Variants in URI1 observed in about 807,000 individuals in gnomAD.
The protein encoded by URI1 is URI1 prefoldin like chaperone.
URI1 carries 39 observed loss-of-function variants against 60.2 expected under a neutral mutation model. The ratio of observed to expected loss-of-function variants is 0.65; its 90% CI spans 0.50 to 0.85. URI1 has a LOEUF of 0.85. Among genes scored for constraint, URI1 ranks in the 40% least tolerant of loss-of-function variants. The pLI, the probability that URI1 is intolerant of heterozygous loss-of-function variation, is 0.00. For synonymous variants in URI1, 251 were observed against 236.8 expected (o/e 1.06, Z -0.55); for missense variants, 691 against 665.9 (o/e 1.04, Z -0.42).
intron 4 of URI1, among the ~76,000 whole-genome samples, chr19:29,998,730 A>G (rs781116641): frequency 4.6e-5 from 7 of 152,116 alleles, no homozygotes; most frequent in African/African-American, 9.7e-5. Flanking sequence ...TAGACAGTAT[A>G]TAGTTGGATC....
chr19:29,956,176 G>GGTTT (rs368203095), intron 1 of URI1, among the ~76,000 whole-genome samples: 4,046 of 149,816 alleles, frequency 0.027, 185 homozygotes, highest in African/African-American at 0.094. Flanking sequence ...GTAGAGATGA[G>GGTTT]CGCCATGTTG....
chr19:29,972,097 G>C (rs1171606745), intron 2 of URI1, among the ~76,000 whole-genome samples: 1 of 152,040 alleles, frequency 6.6e-6, no homozygotes, highest in Non-Finnish European at 1.5e-5. Flanking sequence ...TATAGTTAGT[G>C]TATATCAAAT....
chr19:29,987,524 T>C (rs11668282), intron 4 of URI1, among the ~76,000 whole-genome samples: 30,401 of 152,180 alleles, frequency 0.2, 3,387 homozygotes, highest in Non-Finnish European at 0.24. Flanking sequence ...TTGTCATGTA[T>C]ATTAGCGAAA....
Position 30,005,431 on chromosome 19 carries a change from A to G in URI1, c.438A>G (p.Glu146=). The change falls in exon 5 of 11, where the codon GAA becomes GAG. Residue 146 remains glutamate (E), a synonymous_variant. Transcript: ENST00000392271. ...KNFESRVEFT[E]DLQKMSDAAG... is the part of the protein sequence containing the mutation. ...TTGAATCCAGAGTTGAATTCACAGAAGATTTGCAGAAAATGAGCGATGTGA... is the reference window on the plus strand; with the variant it reads ...TTGAATCCAGAGTTGAATTCACAGAGGATTTGCAGAAAATGAGCGATGTGA... The G allele has an allele frequency of 6.2e-7, 1 of 1,600,990 alleles. No homozygotes were observed.
chr19:29,952,860 C>T (rs139738330), intron 1 of URI1, among the ~76,000 whole-genome samples: 280 of 152,298 alleles, frequency 1.8e-3, no homozygotes, highest in Middle Eastern at 6.8e-3. Context: ...TAAGCAATAA[C>T]GCTGTCATTC....
At chr19:29,987,696 CTT>C (rs2055689597) in intron 4 of URI1, among the ~76,000 whole-genome samples, 3 of 152,028 alleles carry the variant, frequency 2.0e-5, no homozygotes, top group Admixed American at 2.0e-4. Flanking sequence ...TTAGTTATAA[CTT>C]AAAATATTAA....
chr19:29,943,145 A>G (rs1024559967), intron 1 of URI1, among the ~76,000 whole-genome samples: 7 of 151,900 alleles, frequency 4.6e-5, no homozygotes, highest in African/African-American at 2.4e-5. Flanking sequence ...GAGTCTCACT[A>G]TGTTGCCCAG....
intron 2 of URI1, among the ~76,000 whole-genome samples, chr19:29,979,477 CAT>C (rs1216164197): frequency 1.3e-5 from 2 of 152,110 alleles, no homozygotes; most frequent in African/African-American, 2.4e-5. Flanking sequence ...TCTTCAAACA[CAT>C]GTGTATGGTT....
intron 1 of URI1, among the ~76,000 whole-genome samples, chr19:29,951,800 G>A (rs553133341): frequency 6.6e-6 from 1 of 152,198 alleles, no homozygotes. Flanking sequence ...CACCTGCCTT[G>A]GCCTCCCAAA....
chr19:29,943,191 C>G (rs936110553), intron 1 of URI1, among the ~76,000 whole-genome samples: 1 of 152,066 alleles, frequency 6.6e-6, no homozygotes, highest in Admixed American at 6.6e-5. Flanking sequence ...GCGATCCTCC[C>G]CCTCCTACCC....
chr19:29,994,880 C>T (rs1389059457), intron 4 of URI1, among the ~76,000 whole-genome samples: 4 of 151,462 alleles, frequency 2.6e-5, no homozygotes, highest in Non-Finnish European at 5.9e-5. Context: ...CTCCCAGGTT[C>T]AAGAGCCTTC....
chr19:30,011,223 G>T lies in URI1; in HGVS notation c.1165G>T (p.Ala389Ser), dbSNP rs1338779708. Residue 389 changes from alanine to serine, a missense_variant, in exon 9 of 11, where the codon GCA becomes TCA. By Grantham distance (99) the Ala-to-Ser change is moderately conservative. Coordinates refer to ENST00000392271, the MANE Select transcript of URI1 (RefSeq NM_003796.3). ...GGAGCTGCCGACCATCAGGACGCCTGCAGACATTTACAGGTGGGAGGCGCT... is the reference window on the plus strand; with the variant it reads ...GGAGCTGCCGACCATCAGGACGCCTTCAGACATTTACAGGTGGGAGGCGCT... ...AQELPTIRTP[A>S]DIYRAFVDVV... The T allele has an allele frequency of 1.9e-6, 3 of 1,608,188 alleles. No individual in the cohort carries two copies. The highest frequency in any genetic ancestry group is 2.5e-6 in the Non-Finnish European group (3 of 1,178,380).
upstream of URI1, among the ~76,000 whole-genome samples, chr19:29,941,179 T>C (rs1055182574): frequency 1.3e-5 from 2 of 152,138 alleles, no homozygotes; most frequent in Non-Finnish European, 2.9e-5. Context: ...CCTAGACTTG[T>C]CTGTATGATG....
In URI1 at chr19:29,942,676, C is replaced by T. The variant is rs372525017; in HGVS notation, c.117+12C>T. 24 of 1,385,114 alleles carry T rather than the reference C, an allele frequency of 1.7e-5. 1 individual carries two copies. The African/African-American group carries it at 3.3e-4, about 19-fold the overall frequency. 85.8% of individuals were successfully genotyped at this position (1,385,114 alleles called of 1,614,324 possible). On this transcript the variant is annotated intron_variant, in intron 1 of 10. Transcript: ENST00000392271. ...AGGAGCAGGAAAAGGTAACTAGCAG[C>T]CCCGCGCCGCTTCCGCCTCCGCCCG...
At chr19:29,995,906 C>T (rs545508835) in intron 4 of URI1, among the ~76,000 whole-genome samples, 2 of 152,122 alleles carry the variant, frequency 1.3e-5, no homozygotes, top group South Asian at 4.1e-4. Flanking sequence ...TGTCAAAAAT[C>T]ATTTGGTCAT....
intron 1 of URI1, among the ~76,000 whole-genome samples, chr19:29,927,560 CTTTTTTTTTTTTT>C (rs3049080): frequency 7.5e-5 from 3 of 39,812 alleles, no homozygotes; most frequent in African/African-American, 1.3e-4. Flanking sequence ...CTGCACCCGG[CTTTTTTTTTTTTT>C]TTTTTTTTTT....
chr19:29,943,249 C>T (rs1378754382), intron 1 of URI1, among the ~76,000 whole-genome samples: 4 of 152,084 alleles, frequency 2.6e-5, no homozygotes, highest in Admixed American at 2.0e-4. Context: ...CCTGAGTCAC[C>T]GCACCCGGCT....
intron 2 of URI1, among the ~76,000 whole-genome samples, chr19:29,979,737 T>G (rs1430893374): frequency 6.6e-6 from 1 of 152,190 alleles, no homozygotes; most frequent in African/African-American, 2.4e-5. Context: ...GAACATAGAT[T>G]ATTTCATCAG....
intron 1 of URI1, among the ~76,000 whole-genome samples, chr19:29,951,156 A>G (rs1280810282): frequency 6.6e-6 from 1 of 152,192 alleles, no homozygotes; most frequent in African/African-American, 2.4e-5. Flanking sequence ...ATTGCATCAC[A>G]TCAGGAGACA....
Sources: allele counts gnomAD v4.1 joint callset (sites outside exome capture counted in the v4.1 genomes callset), GRCh38; gene constraint gnomAD v4.1.1; transcripts MANE v1.5; gene names NCBI Gene and HGNC (gene_info 2026-07-23, HGNC 2026-07-21).